Variants in PCDHA8 observed in about 807,000 individuals in gnomAD.
PCDHA8 encodes protocadherin alpha 8.
PCDHA8 carries 53 observed loss-of-function variants against 61.8 expected under a neutral mutation model. That is an observed-to-expected ratio of 0.86 (90% CI 0.69 to 1.08). The LOEUF (loss-of-function observed/expected upper bound fraction) is 1.08, where lower values mean the gene tolerates loss of function less well. PCDHA8 is among the 50% of genes least tolerant of loss of function. The pLI, the probability that PCDHA8 is intolerant of heterozygous loss-of-function variation, is 0.00. For missense variants in PCDHA8, 1,293 were observed against 1,245.0 expected (o/e 1.04, Z -0.58); for synonymous variants, 618 against 556.6 (o/e 1.11, Z -1.55).
intron 1 of PCDHA8, among the ~76,000 whole-genome samples, chr5:140,965,098 A>G (rs1554227430): frequency 6.6e-6 from 1 of 152,244 alleles, no homozygotes; most frequent in African/African-American, 2.4e-5. Flanking sequence ...GTCCATAGCT[A>G]GAAAATGACC....
intron 1 of PCDHA8, chr5:140,882,420 A>G: frequency 1.2e-6 from 2 of 1,614,046 alleles, no homozygotes; most frequent in Non-Finnish European, 1.7e-6. Flanking sequence ...ATCGCTCAGG[A>G]CCTGGGGCTG....
intron 1 of PCDHA8, chr5:140,881,263 G>A: frequency 1.7e-6 from 1 of 575,868 alleles, no homozygotes; most frequent in Non-Finnish European, 2.2e-6. Flanking sequence ...TTTACTCAGT[G>A]ATGATGAAGT....
At chr5:140,980,358 G>A (rs143597147) in intron 2 of PCDHA8, among the ~76,000 whole-genome samples, 260 of 152,274 alleles carry the variant, frequency 1.7e-3, no homozygotes, top group South Asian at 0.014. Context: ...TGGACTGGGC[G>A]CGGTGGCTCA....
chr5:140,910,845 G>T (rs1448971238), intron 1 of PCDHA8, among the ~76,000 whole-genome samples: 1 of 152,090 alleles, frequency 6.6e-6, no homozygotes, highest in Admixed American at 6.5e-5. Flanking sequence ...CAATGCCTTG[G>T]ATCTATGTTC....
Position 140,857,721 on chromosome 5 carries a change from AC to A in PCDHA8, c.2394+14007del, listed in dbSNP as rs1554150568. ...CTGCAGGTGTTCGTGCTGGACGAGA[AC>A]GACAACGCTCCCGCGCTGCTGGCGT... On this transcript the variant is annotated intron_variant, in intron 1 of 3. Transcript: ENST00000531613. 4.4e-6 allele frequency: 7 copies of A among 1,597,360 alleles called. 1 individual carries two copies. In the Admixed American group the frequency reaches 1.0e-4, roughly 23 times the overall value.
chr5:140,973,203 A>T (rs1554234958), intron 1 of PCDHA8, among the ~76,000 whole-genome samples: 1 of 152,196 alleles, frequency 6.6e-6, no homozygotes, highest in Non-Finnish European at 1.5e-5. Flanking sequence ...ATGTGTGCAT[A>T]TTCACCCTAA....
In PCDHA8 at chr5:140,949,530, A is replaced by G. The variant is rs535959568; in HGVS notation, c.2395-29419A>G. Among the ~76,000 whole-genome samples, 8 of 151,972 alleles carry G rather than the reference A, an allele frequency of 5.3e-5. No homozygotes were observed. The South Asian group carries it at 1.7e-3, about 31-fold the overall frequency. On this transcript the variant is annotated intron_variant, in intron 1 of 3. Coordinates refer to ENST00000531613, the MANE Select transcript of PCDHA8 (RefSeq NM_018911.3). ...GATTTATTGATCCTTTTATCTTCATAAAATATCGATTTGTTGCTGGTCATA... is the reference window on the plus strand; with the variant it reads ...GATTTATTGATCCTTTTATCTTCATGAAATATCGATTTGTTGCTGGTCATA...
In PCDHA8 at chr5:140,851,227, T is replaced by C; in HGVS notation, c.2394+7512T>C. On this transcript the variant is annotated intron_variant, in intron 1 of 3. Coordinates refer to ENST00000531613, the MANE Select transcript of PCDHA8 (RefSeq NM_018911.3). ...TCATTAAACATTAACATCACTATCA[T>C]TTATTTATTGCTAAATGATGCATAG... The C allele has an allele frequency of 4.4e-6, 5 of 1,142,852 alleles. 1 individual carries two copies. In the South Asian group the frequency reaches 1.4e-4, roughly 31 times the overall value. The allele number at this position is 1,142,852 out of a possible 1,614,324, so 70.8% of individuals were successfully genotyped here. A position where few individuals can be genotyped will look rare whatever the true frequency, so the allele number is the denominator to read the frequency against.
At chr5:140,910,357 T>C (rs1394310433) in intron 1 of PCDHA8, among the ~76,000 whole-genome samples, 3 of 152,226 alleles carry the variant, frequency 2.0e-5, no homozygotes, top group African/African-American at 7.2e-5. Flanking sequence ...CTGTCCATTA[T>C]GGTAGCTATG....
At chr5:140,870,142 C>T (rs782428763) in intron 1 of PCDHA8, 3 of 1,613,946 alleles carry the variant, frequency 1.9e-6, no homozygotes, top group South Asian at 1.1e-5. Flanking sequence ...CGATAACTCT[C>T]CTGAAGTCGC....
intron 1 of PCDHA8, among the ~76,000 whole-genome samples, chr5:140,916,184 A>C (rs1554197322): frequency 6.6e-6 from 1 of 152,092 alleles, no homozygotes. Context: ...CTCTTCAAGG[A>C]AGTGGGCACC....
At chr5:141,002,331 C>T (rs550513057) in intron 3 of PCDHA8, among the ~76,000 whole-genome samples, 1 of 152,372 alleles carries the variant, frequency 6.6e-6, no homozygotes, top group South Asian at 2.1e-4. Context: ...CGGGCTGCAT[C>T]CGCACCCCTT....
intron 1 of PCDHA8, chr5:140,929,360 C>G (rs781864515): frequency 5.3e-6 from 8 of 1,519,748 alleles, no homozygotes; most frequent in Non-Finnish European, 6.2e-6. Flanking sequence ...TTCCTTTGGC[C>G]CGGAGATGGC....
chr5:140,892,498 T>G (rs937078713), intron 1 of PCDHA8, among the ~76,000 whole-genome samples: 3 of 152,232 alleles, frequency 2.0e-5, no homozygotes, highest in Non-Finnish European at 4.4e-5. Flanking sequence ...AGAGATTGTT[T>G]AAGAAGTTCC....
chr5:140,920,118 T>A (rs1196076867), intron 1 of PCDHA8, among the ~76,000 whole-genome samples: 1 of 152,164 alleles, frequency 6.6e-6, no homozygotes, highest in Non-Finnish European at 1.5e-5. Context: ...CTTGCCAACA[T>A]CTTGAGTTTT....
rs1292935559 is a variant in PCDHA8, at chr5:140,841,773, G to C, written c.452G>C (p.Arg151Pro). ...FVSESRMPDSRFPLEGASDAD... is the reference protein window; with the variant it reads ...FVSESRMPDSPFPLEGASDAD... The stretch of plus-strand genomic sequence containing the variant: ...TCAGAATCCAGAATGCCAGACTCTC[G>C]GTTTCCGCTAGAGGGCGCGTCCGAT... Residue 151 changes from arginine to proline, a missense_variant, in exon 1 of 4, where the codon CGG becomes CCG. Arg to Pro is a moderately radical substitution (Grantham distance 103). Transcript: ENST00000531613. 2 of 1,613,894 alleles carry C rather than the reference G, an allele frequency of 1.2e-6. No homozygotes were observed. The highest frequency in any genetic ancestry group is 4.5e-5 in the East Asian group (2 of 44,882).
intron 1 of PCDHA8, chr5:140,863,295 C>A: frequency 6.8e-7 from 1 of 1,463,648 alleles, no homozygotes; most frequent in South Asian, 1.1e-5. Context: ...TGTACCTGAT[C>A]ATCGCCATCT....
chr5:141,003,574 A>T (rs559561339), intron 3 of PCDHA8, among the ~76,000 whole-genome samples: 1 of 151,680 alleles, frequency 6.6e-6, no homozygotes, highest in African/African-American at 2.4e-5. Context: ...CAGACTCCCA[A>T]AGTGCTGGGA....
At chr5:140,984,464 C>T (rs890686701) in intron 3 of PCDHA8, among the ~76,000 whole-genome samples, 1 of 152,184 alleles carries the variant, frequency 6.6e-6, no homozygotes, top group Non-Finnish European at 1.5e-5. Context: ...GTCCCAGCCC[C>T]TCTTGTATAA....
Sources: gnomAD v4.1 joint callset for allele counts (sites outside exome capture counted in the v4.1 genomes callset) on GRCh38, gnomAD v4.1.1 for gene constraint, MANE v1.5 for transcripts, NCBI Gene and HGNC (gene_info 2026-07-23, HGNC 2026-07-21) for gene names.